PPP2R5A: variants seen among roughly 807,000 people sequenced by gnomAD.
PPP2R5A encodes serine/threonine-protein phosphatase 2A 56 kDa regulatory subunit alpha isoform.
PPP2R5A carries 25 observed loss-of-function variants against 64.2 expected under a neutral mutation model. That is an observed-to-expected ratio of 0.39 (90% confidence interval 0.28 to 0.54). The LOEUF is 0.54. Ranked by LOEUF, PPP2R5A falls within the 20% of genes least tolerant of loss-of-function variation. The probability of loss-of-function intolerance (pLI) is 0.67; values close to 1 mark genes in which losing one functional copy is unlikely to be tolerated. For synonymous variants in PPP2R5A, 198 were observed against 201.2 expected (o/e 0.98, Z 0.13); for missense variants, 425 against 576.3 (o/e 0.74, Z 2.69).
In PPP2R5A at chr1:212,329,540, A is replaced by G. The variant is rs572042529; in HGVS notation, c.378+209A>G. Among the ~76,000 whole-genome samples the G allele has an allele frequency of 2.0e-5, 3 of 152,308 alleles. No individual in the cohort carries two copies. The East Asian group carries it at 5.8e-4, about 29-fold the overall frequency. Reference sequence around the variant, plus strand: ...AGTCATAGTGGCTGGTGGCTTCCATATTGGATAGTGCAGATCTAGAGCTTA... The same window carrying G: ...AGTCATAGTGGCTGGTGGCTTCCATGTTGGATAGTGCAGATCTAGAGCTTA... On this transcript the variant is annotated intron_variant, in intron 2 of 12. Transcript: ENST00000261461.
At chr1:212,357,721 T>A (rs1464652457) in intron 11 of PPP2R5A, among the ~76,000 whole-genome samples, 2 of 149,496 alleles carry the variant, frequency 1.3e-5, no homozygotes, top group South Asian at 4.2e-4. Context: ...GAGAATGGCA[T>A]GAACCTGGGA....
rs1386158224 is a variant in PPP2R5A, at chr1:212,333,598, G to A, written c.480G>A (p.Gln160=). 1 of 1,481,288 alleles carries A rather than the reference G, an allele frequency of 6.8e-7. No homozygotes were observed. The highest frequency in any genetic ancestry group is 9.2e-7 in the Non-Finnish European group (1 of 1,091,672). 91.8% of individuals were successfully genotyped at this position (1,481,288 alleles called of 1,614,324 possible). The change falls in exon 3 of 13, where the codon CAG becomes CAA. Residue 160 remains glutamine, a splice_region_variant and synonymous_variant. Transcript: ENST00000261461. ...TTGAGGCCTCTTGGCCTCACATACA[G>A]GTATGGAACATAATTACGTATTGGC... is the stretch of plus-strand genomic sequence containing the variant. ...PTLEASWPHI[Q]LVYEFFLRFL... is the part of the protein sequence containing the mutation.
intron 1 of PPP2R5A, among the ~76,000 whole-genome samples, chr1:212,322,063 C>T (rs1327042164): frequency 6.6e-6 from 1 of 151,416 alleles, no homozygotes; most frequent in African/African-American, 2.4e-5. Flanking sequence ...CGGCGCGCGC[C>T]TGCAATCGCA....
chr1:212,350,689 A>C (rs1257725890), intron 8 of PPP2R5A, among the ~76,000 whole-genome samples: 3 of 152,070 alleles, frequency 2.0e-5, no homozygotes, highest in Non-Finnish European at 2.9e-5. Context: ...CCTTAATACA[A>C]ATCTATGATA....
In PPP2R5A at chr1:212,332,062, C is replaced by T. The variant is rs191856660; in HGVS notation, c.379-1435C>T. Among the ~76,000 whole-genome samples the T allele has an allele frequency of 2.2e-3, 328 of 152,278 alleles. 5 individuals carry two copies. The highest frequency in any genetic ancestry group is 7.6e-3 in the African/African-American group (316 of 41,568). ...AGTATGATCTCAAGGACAAATTCTACGCTCTTGTGAGATAGATTTCTTTTC... is the reference window on the plus strand; with the variant it reads ...AGTATGATCTCAAGGACAAATTCTATGCTCTTGTGAGATAGATTTCTTTTC... On this transcript the variant is annotated intron_variant, in intron 2 of 12. Coordinates refer to ENST00000261461, the MANE Select transcript of PPP2R5A (RefSeq NM_006243.4).
Position 212,361,008 on chromosome 1 carries a change from A to C in PPP2R5A, c.*238A>C. On this transcript the variant is annotated 3_prime_UTR_variant, in exon 13 of 13. Coordinates refer to ENST00000261461, the MANE Select transcript of PPP2R5A (RefSeq NM_006243.4). ...TGTGTCACTTCTGAAGTTTCACAGA[A>C]ATGAATGAATTTTATCATCTATGAT... The C allele has an allele frequency of 3.4e-6, 1 of 290,362 alleles. No homozygotes were observed. The allele number at this position is 290,362 out of a possible 1,614,324, so 18.0% of individuals were successfully genotyped here.
intron 3 of PPP2R5A, among the ~76,000 whole-genome samples, chr1:212,339,116 T>A (rs2102438874): frequency 6.6e-6 from 1 of 152,314 alleles, no homozygotes; most frequent in East Asian, 1.9e-4. Flanking sequence ...TTTGAAGATT[T>A]CCAGCTCTGT....
chr1:212,305,745 G>A (rs1658887861), intron 1 of PPP2R5A, among the ~76,000 whole-genome samples: 1 of 151,254 alleles, frequency 6.6e-6, no homozygotes, highest in Non-Finnish European at 1.5e-5. Context: ...GTGCAAATAT[G>A]TTTATAATTG....
intron 1 of PPP2R5A, chr1:212,299,458 C>CA (rs1043488558): frequency 3.3e-5 from 5 of 152,192 alleles, no homozygotes; most frequent in Non-Finnish European, 7.3e-5. Context: ...CCCTTTTACA[C>CA]AAAGTTTTTG....
At chr1:212,299,604 C>T (rs563302192) in intron 1 of PPP2R5A, 9 of 152,304 alleles carry the variant, frequency 5.9e-5, no homozygotes, top group Non-Finnish European at 8.8e-5. Flanking sequence ...TAATCTACCA[C>T]TTGACTGATT....
chr1:212,303,366 T>G (rs1054898830), intron 1 of PPP2R5A, among the ~76,000 whole-genome samples: 60 of 152,370 alleles, frequency 3.9e-4, no homozygotes, highest in African/African-American at 1.3e-3. Flanking sequence ...TTGAACATGC[T>G]TATTGGCCAT....
At chr1:212,309,728 G>GT (rs1206904065) in intron 1 of PPP2R5A, among the ~76,000 whole-genome samples, 2 of 151,954 alleles carry the variant, frequency 1.3e-5, no homozygotes, top group Non-Finnish European at 2.9e-5. Flanking sequence ...AAAATAACAG[G>GT]TATCCAACCT....
intron 1 of PPP2R5A, among the ~76,000 whole-genome samples, chr1:212,322,425 C>T (rs1659325016): frequency 6.6e-6 from 1 of 152,012 alleles, no homozygotes; most frequent in South Asian, 2.1e-4. Flanking sequence ...ACAAATGTAC[C>T]AGAGTTGGGA....
chr1:212,355,668 T>TG (rs1446543971), intron 8 of PPP2R5A, among the ~76,000 whole-genome samples: 12 of 151,864 alleles, frequency 7.9e-5, no homozygotes, highest in Admixed American at 5.9e-4. Context: ...TAAAATGATC[T>TG]GGGTTTTTTT....
rs991084518 is a variant in PPP2R5A at position 212,304,497 on chromosome 1, C to A, written c.181+18206C>A. Among the ~76,000 whole-genome samples the A allele has an allele frequency of 4.0e-5, 6 of 151,836 alleles. No homozygotes were observed. The East Asian group carries it at 1.2e-3, about 30-fold the overall frequency. On this transcript the variant is annotated intron_variant, in intron 1 of 12. Transcript: ENST00000261461. The stretch of plus-strand genomic sequence containing the variant: ...CTGGGAGGAGGAGGTTGTGGTGAGC[C>A]GAGATCACGCCATTACACTCCAGCC...
At chr1:212,337,152 T>G (rs1300019616) in intron 3 of PPP2R5A, among the ~76,000 whole-genome samples, 1 of 152,210 alleles carries the variant, frequency 6.6e-6, no homozygotes, top group Non-Finnish European at 1.5e-5. Context: ...ATTTATTAAG[T>G]GTAGTATTAC....
chr1:212,315,242 G>A (rs1659123995), intron 1 of PPP2R5A, among the ~76,000 whole-genome samples: 1 of 152,074 alleles, frequency 6.6e-6, no homozygotes, highest in African/African-American at 2.4e-5. Flanking sequence ...TTTGTATTAT[G>A]TATGATTTTT....
intron 1 of PPP2R5A, among the ~76,000 whole-genome samples, chr1:212,322,466 T>A (rs1429151194): frequency 6.6e-6 from 1 of 152,218 alleles, no homozygotes; most frequent in African/African-American, 2.4e-5. Flanking sequence ...ATGCAAAATA[T>A]TTCATAATTT....
intron 1 of PPP2R5A, among the ~76,000 whole-genome samples, chr1:212,307,287 G>A (rs1658936266): frequency 6.7e-6 from 1 of 149,356 alleles, no homozygotes; most frequent in Admixed American, 6.6e-5. Flanking sequence ...GCTGCCCTTG[G>A]GTTTATTATA....
Sources: gnomAD v4.1 joint callset for allele counts (sites outside exome capture counted in the v4.1 genomes callset) on GRCh38, gnomAD v4.1.1 for gene constraint, MANE v1.5 for transcripts, NCBI Gene and HGNC (gene_info 2026-07-23, HGNC 2026-07-21) for gene names.